The following INSL6 variants were observed in gnomAD, a reference collection of about 807,000 sequenced individuals.
INSL6 encodes the protein insulin like 6.
A neutral mutation model predicts 9.4 loss-of-function variants in INSL6; 16 were observed. That is an observed-to-expected ratio of 1.70 (90% CI 1.15 to 2.59). INSL6 has a LOEUF of 2.59. INSL6 is among the 30% of genes most tolerant of loss of function. The probability of loss-of-function intolerance (pLI) is 0.00; values close to 1 mark genes in which losing one functional copy is unlikely to be tolerated. For synonymous variants in INSL6, 154 were observed against 96.9 expected (o/e 1.59, Z -3.46); for missense variants, 391 against 257.3 (o/e 1.52, Z -3.56).
chr9:5,112,032 G>A, the INSL6 span: 5 of 408,350 alleles, frequency 1.2e-5, no homozygotes, highest in Admixed American at 1.1e-4. Context: ...AGTCCCTGGT[G>A]CCTTATCACC....
At chr9:5,049,703 G>A in the INSL6 span, among the ~76,000 whole-genome samples, 1 of 152,122 alleles carries the variant, frequency 6.6e-6, no homozygotes, top group Non-Finnish European at 1.5e-5. Flanking sequence ...TACTTATGGG[G>A]ATATATTCTG....
At chr9:5,113,918 T>C in the INSL6 span, 1 of 234,274 alleles carries the variant, frequency 4.3e-6, no homozygotes, top group South Asian at 5.4e-5. Flanking sequence ...AGTGGACACT[T>C]ACCCCCGACC....
chr9:5,131,917 G>A (rs1016714060), intron 3 of INSL6: 1 of 152,054 alleles, frequency 6.6e-6, no homozygotes, highest in African/African-American at 2.4e-5. Flanking sequence ...TGCCAGAATT[G>A]TTTTTTTAAA....
At chr9:5,118,381 T>C in the INSL6 span, among the ~76,000 whole-genome samples, 1 of 152,220 alleles carries the variant, frequency 6.6e-6, no homozygotes, top group Non-Finnish European at 1.5e-5. Flanking sequence ...AACCAAGATA[T>C]GTATATAAGT....
the INSL6 span, chr9:5,114,861 G>A: frequency 1.1e-3 from 241 of 227,184 alleles, 3 homozygotes; most frequent in East Asian, 0.029. Flanking sequence ...GGTGGGAAGG[G>A]CTGGCCAGAC....
the INSL6 span, chr9:5,099,284 C>T: frequency 6.6e-6 from 1 of 152,140 alleles, no homozygotes; most frequent in Non-Finnish European, 1.5e-5. Flanking sequence ...TGTCCTAGAA[C>T]TAATCCTCTT....
At chr9:4,999,810 C>T in the INSL6 span, among the ~76,000 whole-genome samples, 1 of 152,170 alleles carries the variant, frequency 6.6e-6, no homozygotes, top group South Asian at 2.1e-4. Context: ...TTATCAGACC[C>T]CTTTAATGTC....
chr9:5,125,782 A>G (rs956077611), intron 3 of INSL6, among the ~76,000 whole-genome samples: 3 of 151,548 alleles, frequency 2.0e-5, no homozygotes, highest in East Asian at 3.8e-4. Flanking sequence ...GGGTATGTAT[A>G]TATGTGAATT....
the INSL6 span, among the ~76,000 whole-genome samples, chr9:4,992,195 G>A: frequency 6.6e-6 from 1 of 152,144 alleles, no homozygotes; most frequent in Non-Finnish European, 1.5e-5. Context: ...CTCTTGACTG[G>A]GATGTTAGCT....
chr9:5,111,262 G>A, the INSL6 span: 17 of 505,440 alleles, frequency 3.4e-5, no homozygotes, highest in East Asian at 6.2e-4. Flanking sequence ...GCAGGCGTGC[G>A]CAGCCTGACT....
chr9:5,128,199 TCTA>T (rs1239902220), intron 3 of INSL6: 1 of 231,988 alleles, frequency 4.3e-6, no homozygotes, highest in Non-Finnish European at 8.5e-6. Context: ...ACTGGTATGT[TCTA>T]CTTTTTTGAA....
chr9:5,167,552 G>T (rs1825082796), intron 1 of INSL6, among the ~76,000 whole-genome samples: 1 of 152,218 alleles, frequency 6.6e-6, no homozygotes, highest in South Asian at 2.1e-4. Flanking sequence ...CCCTCACGGA[G>T]CAGGGCCTCC....
the INSL6 span, chr9:5,090,656 A>G: frequency 8.6e-6 from 13 of 1,511,932 alleles, no homozygotes; most frequent in African/African-American, 1.1e-4. Flanking sequence ...TTTCATAGAT[A>G]ATAAAGGGAA....
chr9:5,118,585 G>A, the INSL6 span, among the ~76,000 whole-genome samples: 7 of 152,060 alleles, frequency 4.6e-5, no homozygotes, highest in South Asian at 2.1e-4. Flanking sequence ...GTATATCCTC[G>A]GATGAATATT....
downstream of INSL6, among the ~76,000 whole-genome samples, chr9:5,120,167 G>A (rs1233464208): frequency 6.6e-6 from 1 of 152,204 alleles, no homozygotes; most frequent in South Asian, 2.1e-4. Context: ...CTCCTTCAGA[G>A]AGGAGGAACA....
intron 3 of INSL6, among the ~76,000 whole-genome samples, chr9:5,125,229 T>C (rs1823896403): frequency 6.6e-6 from 1 of 151,208 alleles, no homozygotes; most frequent in African/African-American, 2.4e-5. Context: ...TATAAAACTT[T>C]TATAACTTTT....
At chr9:5,139,922 A>T (rs1824464455) in intron 2 of INSL6, among the ~76,000 whole-genome samples, 1 of 152,214 alleles carries the variant, frequency 6.6e-6, no homozygotes, top group African/African-American at 2.4e-5. Context: ...CTTTTGGTGA[A>T]CAAAAATGTG....
intron 2 of INSL6, chr9:5,133,612 C>A (rs1353874279): frequency 6.6e-6 from 1 of 152,108 alleles, no homozygotes; most frequent in Non-Finnish European, 1.5e-5. Flanking sequence ...AGGGGCCCGA[C>A]TGTTAGAAGG....
At chr9:5,069,903 T>G in the INSL6 span, 3 of 1,514,962 alleles carry the variant, frequency 2.0e-6, no homozygotes, top group Admixed American at 5.4e-5. Flanking sequence ...TGAAGTGATA[T>G]ATATGTATTT....
Sources: allele counts gnomAD v4.1 joint callset (sites outside exome capture counted in the v4.1 genomes callset), GRCh38; gene constraint gnomAD v4.1.1; transcripts MANE v1.5; gene names NCBI Gene and HGNC (gene_info 2026-07-23, HGNC 2026-07-21).